The following PPP2R1A variants were observed in gnomAD, a reference collection of about 807,000 sequenced individuals.
The protein encoded by PPP2R1A is serine/threonine-protein phosphatase 2A 65 kDa regulatory subunit A alpha isoform.
A neutral mutation model predicts 67.1 loss-of-function variants in PPP2R1A; 15 were observed. That is an observed-to-expected ratio of 0.22 (90% CI 0.15 to 0.34). The LOEUF (loss-of-function observed/expected upper bound fraction) is 0.34. Ranked by LOEUF, PPP2R1A falls within the 10% of genes least tolerant of loss-of-function variation. The pLI is 1.00. For synonymous variants in PPP2R1A, 337 were observed against 325.0 expected, an observed-to-expected ratio of 1.04 and a Z score of -0.40; for missense variants, 369 against 775.0, an observed-to-expected ratio of 0.48 and a Z score of 6.22.
At position 52,220,171 on chromosome 19, in the gene PPP2R1A, C is replaced by T; in HGVS notation, c.1303-18C>T. On this transcript the variant is annotated intron_variant, in intron 10 of 14. Transcript: ENST00000322088. ...TCTCCTGGAACGCTTACCTTGGAAC[C>T]CTTGGTTTCTCCTGTAGGGAGTGGA... The T allele has an allele frequency of 2.5e-6, 4 of 1,613,300 alleles. No homozygotes were observed. The highest frequency in any genetic ancestry group is 3.4e-6 in the Non-Finnish European group (4 of 1,179,360).
chr19:52,221,208 T>C lies in PPP2R1A; in HGVS notation c.1518+75T>C, dbSNP rs1978905699. 3 of 1,575,566 alleles carry C rather than the reference T, an allele frequency of 1.9e-6. No individual in the cohort carries two copies. The African/African-American group carries it at 4.1e-5, about 21-fold the overall frequency. ...TGGGAGAGGAGGGATGCTAGAGGGT[T>C]CCCCAAGGGAGACACCTGGCTTGGG... On this transcript the variant is annotated intron_variant, in intron 12 of 14. Transcript: ENST00000322088.
intron 13 of PPP2R1A, among the ~76,000 whole-genome samples, chr19:52,224,927 C>G (rs542192618): frequency 2.6e-5 from 4 of 151,832 alleles, no homozygotes; most frequent in Admixed American, 2.6e-4. Context: ...TCTTGAACTC[C>G]TGGCCTCAAG....
chr19:52,219,632 C>G lies in PPP2R1A; in HGVS notation c.1129-59C>G. On this transcript the variant is annotated intron_variant, in intron 9 of 14. Coordinates refer to ENST00000322088, the MANE Select transcript of PPP2R1A (RefSeq NM_014225.6). This position sits in a 1 kb window ranked among gnomAD's most constrained non-coding sequence, Gnocchi z 4.0. The stretch of plus-strand genomic sequence containing the variant: ...GTTGATGCAGCTGAGCTCTTTCCAT[C>G]CTGTCCTGGGTTGCTGTGTGCATTG... 2 of 1,507,722 alleles carry G rather than the reference C, an allele frequency of 1.3e-6. No homozygotes were observed. Among genetic ancestry groups the G allele is most frequent in the Non-Finnish European group, 1.8e-6 (2 of 1,106,868 alleles). The allele number at this position is 1,507,722 out of a possible 1,614,324, so 93.4% of individuals were successfully genotyped here.
rs1332057920 is a variant in PPP2R1A, at chr19:52,212,687, T to C, written c.505T>C (p.Tyr169His). 1 of 1,613,112 alleles carries C rather than the reference T, an allele frequency of 6.2e-7. No homozygotes were observed. The highest frequency in any genetic ancestry group is 8.5e-7 in the Non-Finnish European group (1 of 1,180,006). Residue 169 changes from tyrosine to histidine, a missense_variant and splice_region_variant, in exon 5 of 15, where the codon TAC becomes CAC. Coordinates refer to ENST00000322088, the MANE Select transcript of PPP2R1A (RefSeq NM_014225.6). This position sits in a 1 kb window ranked among gnomAD's most constrained non-coding sequence, Gnocchi z 4.1. ...SSAVKAELRQYFRNLCSDDTP... is the reference protein window; with the variant it reads ...SSAVKAELRQHFRNLCSDDTP... ...AGGATCCCCGTCCCCGACTCCCAGG[T>C]ACTTCCGGAACCTGTGCTCAGATGA...
At position 52,212,398 on chromosome 19, in the gene PPP2R1A, A is replaced by G. The variant is rs558876618; in HGVS notation, c.504-288A>G. ...CTGTGCCTGGCTCGTTGGTTAAGCA[A>G]TTTTTATGGGAATGATGTAATCGTC... is the stretch of plus-strand genomic sequence containing the variant. On this transcript the variant is annotated intron_variant, in intron 4 of 14. Coordinates refer to ENST00000322088, the MANE Select transcript of PPP2R1A (RefSeq NM_014225.6). This position sits in a 1 kb window ranked among gnomAD's most constrained non-coding sequence, Gnocchi z 4.1. 1.7e-5 allele frequency: 7 copies of G among 411,242 alleles called. No individual in the cohort carries two copies. The highest frequency in any genetic ancestry group is 5.3e-5 in the East Asian group (1 of 19,014). The allele number at this position is 411,242 out of a possible 1,614,324, so 25.5% of individuals were successfully genotyped here.
rs900294601 is a variant in PPP2R1A, at chr19:52,212,044, G to A, written c.503+552G>A. Reference sequence around the variant, plus strand: ...GAAGCAATTGCTGCTGAAAAATAAAGCCTTTCTGTGGCTCTAGACCTGCCT... The same window carrying A: ...GAAGCAATTGCTGCTGAAAAATAAAACCTTTCTGTGGCTCTAGACCTGCCT... On this transcript the variant is annotated intron_variant, in intron 4 of 14. Transcript: ENST00000322088. This position sits in a 1 kb window ranked among gnomAD's most constrained non-coding sequence, Gnocchi z 4.1. Among the ~76,000 whole-genome samples, 2 of 152,216 alleles carry A rather than the reference G, an allele frequency of 1.3e-5. No individual in the cohort carries two copies. The highest frequency in any genetic ancestry group is 1.5e-5 in the Non-Finnish European group (1 of 68,042).
intron 1 of PPP2R1A, among the ~76,000 whole-genome samples, chr19:52,199,422 G>A (rs777508649): frequency 5.3e-5 from 8 of 151,836 alleles, no homozygotes; most frequent in Admixed American, 5.2e-4. Context: ...GCCTGCCTCG[G>A]CCTCCCAAGG....
In PPP2R1A at chr19:52,227,049, A is replaced by T. The variant is rs943460311; in HGVS notation, c.*1068A>T. The T allele has an allele frequency of 6.6e-6, 1 of 152,148 alleles. No individual in the cohort carries two copies. Among genetic ancestry groups the T allele is most frequent in the East Asian group, 1.9e-4 (1 of 5,184 alleles). 9.4% of individuals were successfully genotyped at this position (152,148 alleles called of 1,614,324 possible). ...GGCAAGATAGATCAGTTATCTCGGTATCTATTCTCCCCTTCCTAATGTAGA... is the reference window on the plus strand; with the variant it reads ...GGCAAGATAGATCAGTTATCTCGGTTTCTATTCTCCCCTTCCTAATGTAGA... On this transcript the variant is annotated 3_prime_UTR_variant, in exon 15 of 15. Coordinates refer to ENST00000322088, the MANE Select transcript of PPP2R1A (RefSeq NM_014225.6).
In PPP2R1A at chr19:52,228,483, C is replaced by T. The variant is rs184820965; in HGVS notation, c.*2502C>T. 26 of 152,296 alleles carry T rather than the reference C, an allele frequency of 1.7e-4. No individual in the cohort carries two copies. Among genetic ancestry groups the T allele is most frequent in the African/African-American group, 6.3e-4 (26 of 41,558 alleles). 9.4% of individuals were successfully genotyped at this position (152,296 alleles called of 1,614,324 possible). On this transcript the variant is annotated 3_prime_UTR_variant, in exon 15 of 15. Transcript: ENST00000322088. The stretch of plus-strand genomic sequence containing the variant: ...CTGTGAGCTTCATGTTGGAAGAATC[C>T]AATCAGGTGATGAATGTGATGTTAT...
intron 1 of PPP2R1A, among the ~76,000 whole-genome samples, chr19:52,194,484 A>G (rs917897330): frequency 2.0e-5 from 3 of 152,128 alleles, no homozygotes; most frequent in Non-Finnish European, 4.4e-5. Flanking sequence ...GGGTTCTGGT[A>G]TAATTTTAAA....
intron 13 of PPP2R1A, among the ~76,000 whole-genome samples, chr19:52,223,914 T>C (rs1475770454): frequency 6.6e-6 from 1 of 152,210 alleles, no homozygotes; most frequent in Non-Finnish European, 1.5e-5. Context: ...CAGAAGAATG[T>C]TCATGGTAGC....
chr19:52,222,406 A>G (rs1978993575), intron 13 of PPP2R1A, 165 bp downstream of exon 13: 3 of 1,031,536 alleles, frequency 2.9e-6, no homozygotes, highest in Non-Finnish European at 2.7e-6. Flanking sequence ...TCAACTGTAA[A>G]ATGAACATCA....
At chr19:52,208,715 G>A (rs1440103523) in intron 3 of PPP2R1A, among the ~76,000 whole-genome samples, 3 of 151,840 alleles carry the variant, frequency 2.0e-5, no homozygotes, top group African/African-American at 7.3e-5. Context: ...GGCCAGGCTG[G>A]TCTAGAACTC....
chr19:52,190,408 C>T (rs558292085), intron 1 of PPP2R1A: 14 of 584,488 alleles, frequency 2.4e-5, no homozygotes, highest in East Asian at 1.5e-4. Context: ...CGGGCCTGCC[C>T]TGTGCGCGCG....
intron 1 of PPP2R1A, among the ~76,000 whole-genome samples, chr19:52,194,393 A>G (rs2089480325): frequency 6.6e-6 from 1 of 152,208 alleles, no homozygotes; most frequent in African/African-American, 2.4e-5. Context: ...GGACTAGATC[A>G]AGTGAGGCCT....
In PPP2R1A at chr19:52,219,497, C is replaced by A. The variant is rs1262801977; in HGVS notation, c.1129-194C>A. 6.6e-6 allele frequency among the ~76,000 whole-genome samples: 1 copy of A among 152,146 alleles called. No homozygotes were observed. Among genetic ancestry groups the A allele is most frequent in the Admixed American group, 6.5e-5 (1 of 15,278 alleles). On this transcript the variant is annotated intron_variant, in intron 9 of 14. Transcript: ENST00000322088. The surrounding 1 kb of genome is among the most constrained non-coding windows in gnomAD (Gnocchi z 4.0). Reference sequence around the variant, plus strand: ...TGATACTATTGTAAGGTTTAAAAATCTGCTTAAGTTAGTGATCCATGCTGC... The same window carrying A: ...TGATACTATTGTAAGGTTTAAAAATATGCTTAAGTTAGTGATCCATGCTGC...
At chr19:52,218,903 A>G (rs1344556554) in intron 9 of PPP2R1A, among the ~76,000 whole-genome samples, 1 of 152,222 alleles carries the variant, frequency 6.6e-6, no homozygotes, top group African/African-American at 2.4e-5. Flanking sequence ...TCTTAGAAGA[A>G]AAGAACCAGC....
Position 52,201,797 on chromosome 19 carries a change from T to G in PPP2R1A, c.79-147T>G, listed in dbSNP as rs78691093. 7.7e-4 allele frequency: 493 copies of G among 643,782 alleles called. 2 individuals are homozygous for G. In the African/African-American group the frequency reaches 7.8e-3, roughly 10 times the overall value. 39.9% of individuals were successfully genotyped at this position (643,782 alleles called of 1,614,324 possible). ...GATTCCCTCGAGGTCACAGGGTCTC[T>G]TGGTGGGTGTTTGCCAAATTACTCT... On this transcript the variant is annotated intron_variant, in intron 1 of 14. Transcript: ENST00000322088.
chr19:52,201,253 G>A (rs2089545563), intron 1 of PPP2R1A: 1 of 152,254 alleles, frequency 6.6e-6, no homozygotes, highest in Admixed American at 6.5e-5. Context: ...TGTACTGGTG[G>A]TATTATTACT....
Sources: gnomAD v4.1 joint callset for allele counts (sites outside exome capture counted in the v4.1 genomes callset) on GRCh38, gnomAD v4.1.1 for gene constraint, Gnocchi (gnomAD v3.1) non-coding constraint, MANE v1.5 for transcripts, NCBI Gene and HGNC (gene_info 2026-07-23, HGNC 2026-07-21) for gene names.